Variants in SDK1 observed in about 807,000 individuals in gnomAD.
SDK1 encodes protein sidekick-1.
A neutral mutation model predicts 245.5 loss-of-function variants in SDK1; 157 were observed. The observed-to-expected ratio is 0.64, with a 90% confidence interval of 0.56 to 0.73. The LOEUF (loss-of-function observed/expected upper bound fraction) is 0.73, where lower values mean the gene tolerates loss of function less well. Ranked by LOEUF, SDK1 falls within the 30% of genes least tolerant of loss-of-function variation. The pLI, the probability that SDK1 is intolerant of heterozygous loss-of-function variation, is 0.00. For missense variants in SDK1, 3,583 were observed against 3,002.3 expected (o/e 1.19, Z -4.52); for synonymous variants, 1,647 against 1,278.5 (o/e 1.29, Z -6.15).
intron 1 of SDK1, among the ~76,000 whole-genome samples, chr7:3,503,486 C>T (rs931433657): frequency 5.3e-5 from 8 of 151,732 alleles, no homozygotes; most frequent in Admixed American, 2.0e-4. Context: ...TGAGACCAGC[C>T]GGGCAATATA....
chr7:3,522,151 A>T (rs928712908), intron 1 of SDK1, among the ~76,000 whole-genome samples: 1 of 152,100 alleles, frequency 6.6e-6, no homozygotes, highest in Non-Finnish European at 1.5e-5. Context: ...ATTGTATACA[A>T]TAACTTTTTT....
At chr7:3,490,090 A>T in intron 1 of SDK1, among the ~76,000 whole-genome samples, 1 of 152,216 alleles carries the variant, frequency 6.6e-6, no homozygotes, top group Non-Finnish European at 1.5e-5. Flanking sequence ...CTTCATATTT[A>T]GGCGTAGGTA....
At chr7:3,346,827 A>ATATATATATTTTTT (rs1228887289) in intron 1 of SDK1, among the ~76,000 whole-genome samples, 1 of 16,386 alleles carries the variant, frequency 6.1e-5, no homozygotes, top group African/African-American at 2.3e-4. Flanking sequence ...ATATATATAT[A>ATATATATATTTTTT]TTTTTTTTTT....
chr7:3,392,689 T>C (rs1304620198), intron 1 of SDK1, among the ~76,000 whole-genome samples: 1 of 152,184 alleles, frequency 6.6e-6, no homozygotes, highest in Non-Finnish European at 1.5e-5. Flanking sequence ...TAGGTATTTA[T>C]GTAAAATCAT....
intron 4 of SDK1, among the ~76,000 whole-genome samples, chr7:3,693,760 C>G (rs1213526839): frequency 6.6e-6 from 1 of 152,080 alleles, no homozygotes; most frequent in Non-Finnish European, 1.5e-5. Context: ...ATTGTTATAG[C>G]CTCTAGATTC....
At chr7:3,996,256 C>CT (rs1784691265) in intron 14 of SDK1, among the ~76,000 whole-genome samples, 1 of 152,148 alleles carries the variant, frequency 6.6e-6, no homozygotes, top group African/African-American at 2.4e-5. Context: ...TTCATTATCT[C>CT]TTTTTCTGCC....
At chr7:3,398,885 G>A (rs1778806488) in intron 1 of SDK1, among the ~76,000 whole-genome samples, 4 of 151,212 alleles carry the variant, frequency 2.6e-5, no homozygotes, top group Admixed American at 6.6e-5. Context: ...AGTAAGCTGT[G>A]ATTTTGTGTC....
At chr7:3,812,237 A>T (rs183303589) in intron 4 of SDK1, among the ~76,000 whole-genome samples, 99 of 152,350 alleles carry the variant, frequency 6.5e-4, no homozygotes, top group African/African-American at 1.9e-3. Flanking sequence ...TAGTCAGAGT[A>T]AAAATGCAAA....
At chr7:3,716,643 C>T (rs1056561002) in intron 4 of SDK1, among the ~76,000 whole-genome samples, 1 of 151,676 alleles carries the variant, frequency 6.6e-6, no homozygotes, top group Non-Finnish European at 1.5e-5. Flanking sequence ...CCCTGTAGTC[C>T]CAGCTACTCA....
intron 1 of SDK1, among the ~76,000 whole-genome samples, chr7:3,479,575 T>C (rs1781450616): frequency 6.6e-6 from 1 of 151,820 alleles, no homozygotes; most frequent in African/African-American, 2.4e-5. Flanking sequence ...TAAAATTACT[T>C]CACTAAGGCC....
intron 20 of SDK1, among the ~76,000 whole-genome samples, chr7:4,071,572 C>T (rs1312980325): frequency 6.6e-6 from 1 of 152,212 alleles, no homozygotes; most frequent in African/African-American, 2.4e-5. Flanking sequence ...GGGAACTGAG[C>T]AGGGGAGGGC....
chr7:4,222,708 G>T (rs114811337), intron 40 of SDK1, among the ~76,000 whole-genome samples: 3,483 of 152,296 alleles, frequency 0.023, 56 homozygotes, highest in South Asian at 0.064. Context: ...TCGCCTGGGG[G>T]ACCCTGAGAG....
intron 4 of SDK1, among the ~76,000 whole-genome samples, chr7:3,769,867 T>G (rs1462691193): frequency 1.3e-5 from 2 of 151,864 alleles, no homozygotes; most frequent in Non-Finnish European, 2.9e-5. Flanking sequence ...TTGTTCACAA[T>G]AGGTACTAAT....
chr7:3,495,538 C>A (rs906194752), intron 1 of SDK1, among the ~76,000 whole-genome samples: 2 of 152,314 alleles, frequency 1.3e-5, no homozygotes, highest in Admixed American at 6.5e-5. Context: ...GGATTACAGG[C>A]GTGAGCCACT....
intron 1 of SDK1, among the ~76,000 whole-genome samples, chr7:3,319,352 G>A (rs1468828693): frequency 1.3e-5 from 2 of 152,102 alleles, no homozygotes; most frequent in Non-Finnish European, 2.9e-5. Flanking sequence ...TGCTTGTGGA[G>A]GGTCTTGTAA....
intron 1 of SDK1, among the ~76,000 whole-genome samples, chr7:3,561,441 T>TA (rs148013849): frequency 0.013 from 2,020 of 152,336 alleles, 13 homozygotes; most frequent in Non-Finnish European, 0.021. Context: ...TTCTACGTGT[T>TA]AGACTCCACA....
At chr7:4,207,980 C>T (rs1784318583) in intron 36 of SDK1, 119 bp from the exon 37 acceptor site, 1 of 752,580 alleles carries the variant, frequency 1.3e-6, no homozygotes, top group Non-Finnish European at 2.2e-6. Flanking sequence ...CACCTTCCCA[C>T]CCAGCACAGC....
At chr7:3,986,588 T>C (rs60264701) in intron 13 of SDK1, among the ~76,000 whole-genome samples, 6,748 of 152,260 alleles carry the variant, frequency 0.044, 297 homozygotes, top group African/African-American at 0.11. Context: ...AGGCCGGGCA[T>C]GGTGGCTCAC....
chr7:4,112,390 G>A (rs911095260), intron 23 of SDK1, among the ~76,000 whole-genome samples: 2 of 152,162 alleles, frequency 1.3e-5, no homozygotes, highest in African/African-American at 2.4e-5. Flanking sequence ...TTGCCCTAAC[G>A]CAGCTTGCGT....
Sources: allele counts gnomAD v4.1 joint callset (sites outside exome capture counted in the v4.1 genomes callset), GRCh38; gene constraint gnomAD v4.1.1; transcripts MANE v1.5; gene names NCBI Gene and HGNC (gene_info 2026-07-23, HGNC 2026-07-21).